ZNF107: variants seen among roughly 807,000 people sequenced by gnomAD.
ZNF107 encodes the protein C2H2 type zinc-finger protein.
A neutral mutation model predicts 12.3 loss-of-function variants in ZNF107; 19 were observed. The observed-to-expected ratio is 1.55, with a 90% CI of 1.08 to 2.27. The LOEUF (loss-of-function observed/expected upper bound fraction) is 2.27. Among genes scored for constraint, ZNF107 ranks in the 30% most tolerant of loss-of-function variants. ZNF107 has a pLI of 0.00. For missense variants in ZNF107, 958 were observed against 979.9 expected (o/e 0.98, Z 0.30); for synonymous variants, 317 against 330.5 (o/e 0.96, Z 0.44).
At chr7:64,671,779 CTTTTT>C (rs1213610930) in intron 1 of ZNF107, among the ~76,000 whole-genome samples, 1 of 116,558 alleles carries the variant, frequency 8.6e-6, no homozygotes, top group African/African-American at 3.3e-5. Flanking sequence ...CCTTTTTGTT[CTTTTT>C]TTTTTTTTTT....
chr7:64,682,893 A>T (rs1396594082), intron 1 of ZNF107, among the ~76,000 whole-genome samples: 1 of 151,994 alleles, frequency 6.6e-6, no homozygotes, highest in Non-Finnish European at 1.5e-5. Context: ...AGCACCCAAC[A>T]CATGTCCTGA....
chr7:64,673,037 CATTTATTTATTT>C (rs1177466709), intron 1 of ZNF107, among the ~76,000 whole-genome samples: 2 of 151,890 alleles, frequency 1.3e-5, no homozygotes, highest in East Asian at 1.9e-4. Flanking sequence ...TAGTGATGAG[CATTTATTTATTT>C]ATTTATTTAT....
At chr7:64,693,899 G>A (rs1790201619) in intron 3 of ZNF107, among the ~76,000 whole-genome samples, 1 of 151,942 alleles carries the variant, frequency 6.6e-6, no homozygotes. Flanking sequence ...AGCGATTCTC[G>A]TGCTTCAGTC....
rs1351684933 is a variant in ZNF107 at position 64,709,573 on chromosome 7, A to T, written c.*917A>T. 1.0e-5 allele frequency: 4 copies of T among 396,160 alleles called. No individual in the cohort carries two copies. The highest frequency in any genetic ancestry group is 1.9e-5 in the Non-Finnish European group (4 of 206,594). The allele number at this position is 396,160 out of a possible 1,614,324, so 24.5% of individuals were successfully genotyped here. A position where few individuals can be genotyped will look rare whatever the true frequency, so the allele number is the denominator to read the frequency against. ...CACAAAGCCTTTAAATGGTTGTCAC[A>T]CTTGATTGTAGGTAAGAATCCATAC... is the stretch of plus-strand genomic sequence containing the variant. On this transcript the variant is annotated 3_prime_UTR_variant, in exon 4 of 4. Coordinates refer to ENST00000620827, the MANE Select transcript of ZNF107 (RefSeq NM_001282359.2).
At chr7:64,689,576 A>AT (rs1319979880) in intron 1 of ZNF107, 2 of 152,574 alleles carry the variant, frequency 1.3e-5, no homozygotes, top group African/African-American at 4.8e-5. Context: ...GGACTAGAGT[A>AT]TTTTTTCTTT....
At chr7:64,695,394 A>G (rs1357117888) in intron 3 of ZNF107, among the ~76,000 whole-genome samples, 1 of 152,200 alleles carries the variant, frequency 6.6e-6, no homozygotes, top group East Asian at 1.9e-4. Flanking sequence ...GCAGTTATCT[A>G]GACAAATTCT....
At chr7:64,696,819 A>AT (rs1242123357) in intron 3 of ZNF107, among the ~76,000 whole-genome samples, 1 of 151,706 alleles carries the variant, frequency 6.6e-6, no homozygotes, top group Non-Finnish European at 1.5e-5. Flanking sequence ...TTATTTATTT[A>AT]TTTTTTATTT....
chr7:64,695,643 C>T (rs1048836525), intron 3 of ZNF107, among the ~76,000 whole-genome samples: 17 of 152,090 alleles, frequency 1.1e-4, no homozygotes, highest in East Asian at 3.9e-4. Flanking sequence ...TATATATGTG[C>T]GTGTTTTATA....
In ZNF107 at chr7:64,708,161, A is replaced by T; in HGVS notation, c.2064A>T (p.Arg688=). The stretch of plus-strand genomic sequence containing the variant: ...AAGAATGTGGAAAAGCTTATAACCG[A>T]TTCTCAAACCTAACTATACATAAGA... ...KCEECGKAYN[R]FSNLTIHKRI... Residue 688 remains arginine, a synonymous_variant, in exon 4 of 4, where the codon CGA becomes CGT. Coordinates refer to ENST00000620827, the MANE Select transcript of ZNF107 (RefSeq NM_001282359.2). The T allele has an allele frequency of 6.2e-7, 1 of 1,611,472 alleles. No individual in the cohort carries two copies. The highest frequency in any genetic ancestry group is 8.5e-7 in the Non-Finnish European group (1 of 1,179,244).
In ZNF107 at chr7:64,673,169, G is replaced by A. The variant is rs532966050; in HGVS notation, c.3+6884G>A. The stretch of plus-strand genomic sequence containing the variant: ...AGCGATTCTTCTGCCTCAGCCTCCC[G>A]AGTAGCTGGGATTACAGGTGCCTGC... On this transcript the variant is annotated intron_variant, in intron 1 of 3. Coordinates refer to ENST00000620827, the MANE Select transcript of ZNF107 (RefSeq NM_001282359.2). Among the ~76,000 whole-genome samples the A allele has an allele frequency of 4.6e-5, 7 of 152,104 alleles. No individual in the cohort carries two copies. In the South Asian group the frequency reaches 1.2e-3, roughly 27 times the overall value.
At chr7:64,677,624 C>A (rs1326689160) in intron 1 of ZNF107, among the ~76,000 whole-genome samples, 5 of 151,072 alleles carry the variant, frequency 3.3e-5, no homozygotes, top group African/African-American at 7.3e-5. Flanking sequence ...GAGGCCGAGG[C>A]GGGCGGATCA....
intron 1 of ZNF107, among the ~76,000 whole-genome samples, chr7:64,683,014 C>T (rs1335341347): frequency 6.6e-6 from 1 of 152,198 alleles, no homozygotes; most frequent in African/African-American, 2.4e-5. Flanking sequence ...GGTAGTTCTT[C>T]AAGACCCAAC....
Position 64,707,362 on chromosome 7 carries a change from A to G in ZNF107, c.1265A>G (p.Glu422Gly), listed in dbSNP as rs754364775. ...LTRHKIIHTGEKPYKCKECGK... is the reference protein window; with the variant it reads ...LTRHKIIHTGGKPYKCKECGK... The stretch of plus-strand genomic sequence containing the variant: ...AGACATAAGATAATTCATACTGGAG[A>G]GAAACCCTACAAATGTAAAGAATGT... The change falls in exon 4 of 4, where the codon GAG becomes GGG. Residue 422 changes from glutamate to glycine, a missense_variant. Coordinates refer to ENST00000620827, the MANE Select transcript of ZNF107 (RefSeq NM_001282359.2). 2.5e-6 allele frequency: 4 copies of G among 1,613,470 alleles called. No individual in the cohort carries two copies. The highest frequency in any genetic ancestry group is 3.4e-6 in the Non-Finnish European group (4 of 1,179,774).
At position 64,709,067 on chromosome 7, in the gene ZNF107, A is replaced by G. The variant is rs1790799724; in HGVS notation, c.*411A>G. On this transcript the variant is annotated 3_prime_UTR_variant, in exon 4 of 4. Coordinates refer to ENST00000620827, the MANE Select transcript of ZNF107 (RefSeq NM_001282359.2). Reference sequence around the variant, plus strand: ...TCTATAGTTGTGAAGAATGTGGCAAAGCTTTTAACCAATCCTCATACCTTA... The same window carrying G: ...TCTATAGTTGTGAAGAATGTGGCAAGGCTTTTAACCAATCCTCATACCTTA... The G allele has an allele frequency of 2.2e-6, 1 of 461,194 alleles. No homozygotes were observed. 28.6% of individuals were successfully genotyped at this position (461,194 alleles called of 1,614,324 possible). A position where few individuals can be genotyped will look rare whatever the true frequency, so the allele number is the denominator to read the frequency against.
Position 64,708,006 on chromosome 7 carries a change from A to G in ZNF107, c.1909A>G (p.Thr637Ala). ...GKVFNQSSNL[T>A]TQKIIHTGEN... ...AGTTTTTAACCAGTCCTCAAACCTT[A>G]CTACACAAAAGATAATTCATACTGG... The change falls in exon 4 of 4, where the codon ACT becomes GCT. Residue 637 changes from threonine to alanine, a missense_variant. Physicochemically the swap from Thr to Ala is moderately conservative, Grantham distance 58. Coordinates refer to ENST00000620827, the MANE Select transcript of ZNF107 (RefSeq NM_001282359.2). 6.2e-7 allele frequency: 1 copy of G among 1,613,294 alleles called. No homozygotes were observed. Among genetic ancestry groups the G allele is most frequent in the Non-Finnish European group, 8.5e-7 (1 of 1,179,684 alleles).
In ZNF107 at chr7:64,666,289, A is replaced by T. The variant is rs1788996863; in HGVS notation, c.3+4A>T. 1.2e-6 allele frequency: 2 copies of T among 1,609,760 alleles called. No homozygotes were observed. The highest frequency in any genetic ancestry group is 2.7e-5 in the African/African-American group (2 of 74,788). ...ACTCCCTGGAAACCTAGAAATGGTG[A>T]GAGTGCTGGGTCCGACATCCCGAGA... On this transcript the variant is annotated splice_donor_region_variant and intron_variant, in intron 1 of 3. Transcript: ENST00000620827.
intron 1 of ZNF107, among the ~76,000 whole-genome samples, chr7:64,671,247 A>G (rs1363776462): frequency 6.6e-6 from 1 of 152,100 alleles, no homozygotes; most frequent in Non-Finnish European, 1.5e-5. Flanking sequence ...AGGTCTGATT[A>G]TAGACCCCCT....
At chr7:64,691,187 T>G in intron 1 of ZNF107, 61 bp from the exon 2 acceptor site, 1 of 1,329,590 alleles carries the variant, frequency 7.5e-7, no homozygotes, top group Non-Finnish European at 9.7e-7. Context: ...ATACATTTTT[T>G]TAAAAATTCA....
In ZNF107 at chr7:64,707,162, C is replaced by A. The variant is rs767997796; in HGVS notation, c.1065C>A (p.Asn355Lys). The A allele has an allele frequency of 5.6e-6, 9 of 1,613,448 alleles. No homozygotes were observed. Among genetic ancestry groups the A allele is most frequent in the Admixed American group, 5.0e-5 (3 of 59,976 alleles). ...ECGRAFNISS[N>K]LNKQEKIHTG... ...GCAGAGCTTTTAACATATCCTCAAA[C>A]CTTAATAAACAGGAGAAAATTCATA... The change falls in exon 4 of 4, where the codon AAC becomes AAA. Residue 355 changes from asparagine to lysine, a missense_variant. By Grantham distance (94) the Asn-to-Lys change is moderately conservative. Coordinates refer to ENST00000620827, the MANE Select transcript of ZNF107 (RefSeq NM_001282359.2).
Sources: gnomAD v4.1 joint callset for allele counts (sites outside exome capture counted in the v4.1 genomes callset) on GRCh38, gnomAD v4.1.1 for gene constraint, MANE v1.5 for transcripts, NCBI Gene and HGNC (gene_info 2026-07-23, HGNC 2026-07-21) for gene names.